COL6A2: variants seen among roughly 807,000 people sequenced by gnomAD.
The protein encoded by COL6A2 is collagen type VI alpha 2 chain, also known as collagen alpha-2(VI) chain.
In COL6A2, 90 loss-of-function variants were observed where a neutral mutation model predicts 124.9. The observed-to-expected ratio is 0.72, with a 90% CI of 0.61 to 0.86. COL6A2 has a LOEUF of 0.86. Ranked by LOEUF, COL6A2 falls within the 40% of genes least tolerant of loss-of-function variation. COL6A2 has a pLI of 0.00. For missense variants in COL6A2, 1,607 were observed against 1,502.5 expected (o/e 1.07, Z -1.15); for synonymous variants, 793 against 618.2 (o/e 1.28, Z -4.19).
rs777892756 is a variant in COL6A2, at chr21:46,116,714, C to T, written c.954+37C>T. The T allele has an allele frequency of 6.2e-7, 1 of 1,613,046 alleles. No individual in the cohort carries two copies. Among genetic ancestry groups the T allele is most frequent in the South Asian group, 1.1e-5 (1 of 91,086 alleles). On this transcript the variant is annotated intron_variant, in intron 9 of 27. Coordinates refer to ENST00000300527, the MANE Select transcript of COL6A2 (RefSeq NM_001849.4). The surrounding 1 kb of genome is among the most constrained non-coding windows in gnomAD (Gnocchi z 4.6). ...GGGTAGGCAGAGCCCCTCCTTCCTG[C>T]TGCTCAGGGCAGAAGGACCGGGGCT...
Position 46,116,713 on chromosome 21 carries a change from G to A in COL6A2, c.954+36G>A. 1.2e-6 allele frequency: 2 copies of A among 1,612,962 alleles called. No individual in the cohort carries two copies. The highest frequency in any genetic ancestry group is 2.2e-5 in the South Asian group (2 of 91,086). The stretch of plus-strand genomic sequence containing the variant: ...TGGGTAGGCAGAGCCCCTCCTTCCT[G>A]CTGCTCAGGGCAGAAGGACCGGGGC... On this transcript the variant is annotated intron_variant, in intron 9 of 27. Coordinates refer to ENST00000300527, the MANE Select transcript of COL6A2 (RefSeq NM_001849.4). This position sits in a 1 kb window ranked among gnomAD's most constrained non-coding sequence, Gnocchi z 4.6.
Position 46,117,853 on chromosome 21 carries a change from C to T in COL6A2, c.1054-21C>T, listed in dbSNP as rs374880857. The T allele has an allele frequency of 8.1e-6, 13 of 1,605,942 alleles. No homozygotes were observed. The African/African-American group carries it at 1.5e-4, about 18-fold the overall frequency. ...ACCCCACCCGCCGTGTGCCGAGCTC[C>T]ACCTCTCACTCCTCTCTCAGGGCCC... On this transcript the variant is annotated intron_variant, in intron 11 of 27. Transcript: ENST00000300527.
intron 11 of COL6A2, 62 bp downstream of exon 11, chr21:46,117,515 T>G (rs2078491328): frequency 6.5e-7 from 1 of 1,541,626 alleles, no homozygotes; most frequent in Non-Finnish European, 8.9e-7. Context: ...CCTGACCGGG[T>G]GGGAGGGTAG....
intron 27 of COL6A2, 119 bp downstream of exon 27, chr21:46,126,660 C>G: frequency 1.7e-6 from 2 of 1,188,442 alleles, no homozygotes; most frequent in South Asian, 2.6e-5. Context: ...GGCGGAGCCA[C>G]TGCGGAGGCT....
chr21:46,131,454 C>T (rs1393322268), intron 27 of COL6A2, among the ~76,000 whole-genome samples: 1 of 152,230 alleles, frequency 6.6e-6, no homozygotes, highest in African/African-American at 2.4e-5. Context: ...GAGTCAGGGG[C>T]TCCTGGTCTT....
chr21:46,127,045 G>A (rs1222970138), intron 27 of COL6A2, among the ~76,000 whole-genome samples: 7 of 152,158 alleles, frequency 4.6e-5, no homozygotes, highest in South Asian at 2.1e-4. Context: ...CCCATGTCCC[G>A]GATGTGGCCC....
rs373790588 is a variant in COL6A2 at position 46,129,389 on chromosome 21, C to T, written c.2462-2565C>T. 168 of 1,612,872 alleles carry T rather than the reference C, an allele frequency of 1.0e-4. No individual in the cohort carries two copies. The highest frequency in any genetic ancestry group is 1.3e-4 in the Non-Finnish European group (158 of 1,179,930). On this transcript the variant is annotated intron_variant, in intron 27 of 27. Transcript: ENST00000300527. ...CCGCCGAGCGGGCCAAGTTCGCCACCGGGGTAGAGCGGCAGGACTGGATGG... is the reference window on the plus strand; with the variant it reads ...CCGCCGAGCGGGCCAAGTTCGCCACTGGGGTAGAGCGGCAGGACTGGATGG...
At chr21:46,105,296 G>C (rs1245351963) in intron 1 of COL6A2, among the ~76,000 whole-genome samples, 1 of 152,134 alleles carries the variant, frequency 6.6e-6, no homozygotes, top group Non-Finnish European at 1.5e-5. Flanking sequence ...TGAGGTGGGA[G>C]AATCATTTGG....
In COL6A2 at chr21:46,125,462, C is replaced by T. The variant is rs112645828; in HGVS notation, c.1817-3C>T. 9.9e-6 allele frequency: 16 copies of T among 1,612,900 alleles called. No homozygotes were observed. In the South Asian group the frequency reaches 1.2e-4, roughly 12 times the overall value. Reference sequence around the variant, plus strand: ...CCCCCCGATGACCCTGCCACCCCCCCAGACTGTGAGAAGCGCTGTGGCGCC... The same window carrying T: ...CCCCCCGATGACCCTGCCACCCCCCTAGACTGTGAGAAGCGCTGTGGCGCC... On this transcript the variant is annotated splice_region_variant and splice_polypyrimidine_tract_variant and intron_variant, in intron 24 of 27. Transcript: ENST00000300527.
At chr21:46,112,946 T>A (rs2078425699) in intron 4 of COL6A2, 122 bp downstream of exon 4, 2 of 1,266,542 alleles carry the variant, frequency 1.6e-6, no homozygotes, top group Non-Finnish European at 2.3e-6. Flanking sequence ...GGGAGTCACC[T>A]GCTCCATGTT....
rs75862593 is a variant in COL6A2, at chr21:46,127,443, C to T, written c.2461+902C>T. Among the ~76,000 whole-genome samples the T allele has an allele frequency of 2.6e-3, 389 of 152,254 alleles. 2 individuals carry two copies. Among genetic ancestry groups the T allele is most frequent in the African/African-American group, 9.0e-3 (373 of 41,536 alleles). ...GCCGTGGACTCAGAGCCGAGGTTCC[C>T]CATACGTGCTGCGACAGAGAACCTA... On this transcript the variant is annotated intron_variant, in intron 27 of 27. Transcript: ENST00000300527.
At chr21:46,108,548 TACTCCTAA>T (rs1355339872) in intron 1 of COL6A2, among the ~76,000 whole-genome samples, 4 of 152,256 alleles carry the variant, frequency 2.6e-5, no homozygotes, top group Non-Finnish European at 5.9e-5. Context: ...GAGTTAATTC[TACTCCTAA>T]ATTTCTTACT....
At chr21:46,130,201 C>T (rs1290861557) in intron 27 of COL6A2, among the ~76,000 whole-genome samples, 2 of 152,226 alleles carry the variant, frequency 1.3e-5, no homozygotes, top group African/African-American at 4.8e-5. Context: ...TGCCTGCCAG[C>T]AGCCCTGATC....
chr21:46,110,835 G>A (rs929689144), intron 1 of COL6A2, among the ~76,000 whole-genome samples: 1 of 44,220 alleles, frequency 2.3e-5, no homozygotes, highest in Non-Finnish European at 6.3e-5. Flanking sequence ...CAAGCCACAG[G>A]GCATCAGGGA....
At chr21:46,111,893 C>A in intron 2 of COL6A2, 86 bp from the exon 3 acceptor site, 1 of 1,432,470 alleles carries the variant, frequency 7.0e-7, no homozygotes, top group South Asian at 1.1e-5. Flanking sequence ...TGAGGTCAAA[C>A]CCACAAACAG....
chr21:46,129,648 C>T (rs2078733186), intron 27 of COL6A2: 1 of 1,423,992 alleles, frequency 7.0e-7, no homozygotes, highest in Non-Finnish European at 9.1e-7. Context: ...CTCCCAGCCT[C>T]TTCCCATGCT....
At position 46,132,140 on chromosome 21, in the gene COL6A2, G is replaced by C; in HGVS notation, c.2648G>C (p.Gly883Ala). 6.4e-7 allele frequency: 1 copy of C among 1,573,878 alleles called. No individual in the cohort carries two copies. The change falls in exon 28 of 28, where the codon GGT (glycine) becomes GCT (alanine). Residue 883 changes from glycine (G) to alanine (A), a missense_variant. By Grantham distance (60) the Gly-to-Ala change is moderately conservative (BLOSUM62 0). Around this residue, in one of 3 missense-constraint regions of COL6A2, gnomAD observed 1,223 missense variants for 1,052.2 expected, o/e 1.16. Transcript: ENST00000300527. ...GCACGCGTGGCGCTGCTGCAGTTTG[G>C]TGGCCCCGGCGAGCAGCAGGTGGCC... The part of the protein sequence containing the change: ...LNARVALLQF[G>A]GPGEQQVAFP...
At chr21:46,103,898 C>T (rs571220165) in intron 1 of COL6A2, among the ~76,000 whole-genome samples, 1 of 152,180 alleles carries the variant, frequency 6.6e-6, no homozygotes, top group Non-Finnish European at 1.5e-5. Flanking sequence ...CTTCATTTTT[C>T]TCTTTTTCCT....
In COL6A2 at chr21:46,103,754, T is replaced by A. The variant is rs118054290; in HGVS notation, c.-28+5581T>A. Among the ~76,000 whole-genome samples the A allele has an allele frequency of 1.5e-3, 223 of 152,350 alleles. 1 individual carries two copies. Among genetic ancestry groups the A allele is most frequent in the Non-Finnish European group, 1.9e-3 (130 of 68,034 alleles). On this transcript the variant is annotated intron_variant, in intron 1 of 27. Transcript: ENST00000300527. The stretch of plus-strand genomic sequence containing the variant: ...TACTCCTTTGTGGTCTGAAAAGATA[T>A]CTTGTATGATGTAGATCTTTCAAAA...
Sources: allele counts gnomAD v4.1 joint callset (sites outside exome capture counted in the v4.1 genomes callset), GRCh38; gene constraint gnomAD v4.1.1; regional missense constraint gnomAD v4.1.1; non-coding constraint Gnocchi (gnomAD v3.1); transcripts MANE v1.5; gene names NCBI Gene and HGNC (gene_info 2026-07-23, HGNC 2026-07-21).